Variants in EYS observed in about 807,000 individuals in gnomAD.
The protein encoded by EYS is protein eyes shut homolog.
In EYS, 250 loss-of-function variants were observed where a neutral mutation model predicts 282.1. The ratio of observed to expected loss-of-function variants is 0.89; its 90% confidence interval spans 0.80 to 0.98. EYS has a LOEUF of 0.98. Ranked by LOEUF, EYS falls within the 50% of genes least tolerant of loss-of-function variation. The pLI, the probability that EYS is intolerant of heterozygous loss-of-function variation, is 0.00. For synonymous variants in EYS, 1,355 were observed against 1,282.9 expected (o/e 1.06, Z -1.20); for missense variants, 4,016 against 3,709.0 (o/e 1.08, Z -2.15).
Position 64,406,857 on chromosome 6 carries a change from G to GTATAAATT in EYS, c.5928-18018_5928-18017insAATTTATA, listed in dbSNP as rs1400760649. ...AGGAATGCTTTTACACTGTTGGTAG[G>GTATAAATT]AGTATAAATTAGTTCAACCATTGTG... On this transcript the variant is annotated intron_variant, in intron 28 of 42. Transcript: ENST00000503581. Among the ~76,000 whole-genome samples the GTATAAATT allele has an allele frequency of 2.0e-5, 3 of 152,194 alleles. No homozygotes were observed. The East Asian group carries it at 5.8e-4, about 29-fold the overall frequency.
intron 30 of EYS, among the ~76,000 whole-genome samples, chr6:64,280,235 C>A (rs1037079218): frequency 6.6e-6 from 1 of 151,806 alleles, no homozygotes; most frequent in African/African-American, 2.4e-5. Context: ...TCTAGTGTAA[C>A]CCTGGCATTT....
At chr6:64,150,633 C>T (rs1256203579) in intron 31 of EYS, among the ~76,000 whole-genome samples, 2 of 152,076 alleles carry the variant, frequency 1.3e-5, no homozygotes, top group Admixed American at 1.3e-4. Flanking sequence ...ACAAGAGCCA[C>T]AGACACACAA....
At chr6:64,822,386 T>C (rs1197439624) in intron 20 of EYS, among the ~76,000 whole-genome samples, 5 of 151,958 alleles carry the variant, frequency 3.3e-5, no homozygotes, top group African/African-American at 1.2e-4. Context: ...AGCAGTTACC[T>C]TTAAGTATAT....
intron 22 of EYS, among the ~76,000 whole-genome samples, chr6:64,711,400 C>G (rs1463313665): frequency 1.3e-5 from 2 of 152,018 alleles, no homozygotes; most frequent in East Asian, 3.9e-4. Context: ...AATTTTGTTA[C>G]TAACTTTCTT....
intron 18 of EYS, among the ~76,000 whole-genome samples, chr6:64,895,927 A>C (rs1767446127): frequency 3.9e-5 from 6 of 152,110 alleles, no homozygotes; most frequent in Admixed American, 3.9e-4. Context: ...AAAGTTAAAT[A>C]AGATGAAACT....
At chr6:64,814,162 G>A (rs1403340995) in intron 21 of EYS, among the ~76,000 whole-genome samples, 5 of 152,038 alleles carry the variant, frequency 3.3e-5, no homozygotes. Context: ...CCAAATGTAT[G>A]TCCAGCATTT....
chr6:65,080,337 C>G (rs1323104892), intron 12 of EYS, among the ~76,000 whole-genome samples: 1 of 152,074 alleles, frequency 6.6e-6, no homozygotes, highest in Non-Finnish European at 1.5e-5. Context: ...TAATTGTTTT[C>G]CTGGCCATGT....
intron 35 of EYS, among the ~76,000 whole-genome samples, chr6:63,933,931 C>T (rs1764973211): frequency 6.6e-6 from 1 of 152,134 alleles, no homozygotes; most frequent in African/African-American, 2.4e-5. Flanking sequence ...AGAGCTTCTG[C>T]ACACCAAAAG....
At chr6:63,852,708 A>G (rs1347758186) in intron 36 of EYS, among the ~76,000 whole-genome samples, 1 of 152,222 alleles carries the variant, frequency 6.6e-6, no homozygotes, top group Admixed American at 6.5e-5. Flanking sequence ...AGTATCCCTG[A>G]TGAACATCAA....
chr6:63,970,028 C>T (rs531499586), intron 35 of EYS, among the ~76,000 whole-genome samples: 15 of 152,140 alleles, frequency 9.9e-5, no homozygotes, highest in Non-Finnish European at 1.9e-4. Context: ...CCCAGACCCC[C>T]GCTACGAGTG....
intron 22 of EYS, among the ~76,000 whole-genome samples, chr6:64,665,602 A>T (rs998951302): frequency 1.3e-5 from 2 of 152,228 alleles, no homozygotes; most frequent in Non-Finnish European, 2.9e-5. Context: ...TCTGAAAATT[A>T]TCTGTATATA....
intron 26 of EYS, among the ~76,000 whole-genome samples, chr6:64,467,534 A>G (rs992423440): frequency 7.2e-5 from 11 of 152,114 alleles, no homozygotes; most frequent in Non-Finnish European, 1.6e-4. Context: ...GGGCCTGGAG[A>G]TTGATCAGTT....
chr6:63,998,306 C>A (rs1290413564), intron 34 of EYS, among the ~76,000 whole-genome samples: 2 of 152,042 alleles, frequency 1.3e-5, no homozygotes, highest in South Asian at 4.2e-4. Context: ...ATACAATGTG[C>A]TTATACAAAT....
At chr6:64,994,848 A>G (rs943224788) in intron 14 of EYS, among the ~76,000 whole-genome samples, 7 of 152,144 alleles carry the variant, frequency 4.6e-5, no homozygotes, top group African/African-American at 1.7e-4. Context: ...CAAAAAGGCA[A>G]TATTTAACAA....
intron 18 of EYS, among the ~76,000 whole-genome samples, chr6:64,899,609 A>G (rs1400858611): frequency 6.6e-6 from 1 of 152,174 alleles, no homozygotes; most frequent in East Asian, 1.9e-4. Context: ...GAACCAAATC[A>G]TGAGTAAACT....
At position 65,344,145 on chromosome 6, in the gene EYS, C is replaced by T. The variant is rs927104465; in HGVS notation, c.1492G>A (p.Asp498Asn). The stretch of plus-strand genomic sequence containing the variant: ...TTTGCAGCCAGAAAGAAATAGGCAT[C>T]AATAACCCCTTGGCACTTTTCGCCT... The part of the protein sequence containing the change: ...SEGEKCQGVI[D>N]AYFFLAANCT... The change falls in exon 10 of 43, where the codon GAT (aspartate) becomes AAT (asparagine). Residue 498 changes from aspartate (D) to asparagine (N), a missense_variant. Physicochemically the swap from Asp to Asn is conservative, Grantham distance 23. Transcript: ENST00000503581. The T allele has an allele frequency of 2.2e-5, 35 of 1,609,878 alleles. No individual in the cohort carries two copies. Among genetic ancestry groups the T allele is most frequent in the Non-Finnish European group, 2.9e-5 (34 of 1,177,456 alleles).
At chr6:65,021,892 AG>A (rs1772262846) in intron 13 of EYS, among the ~76,000 whole-genome samples, 1 of 152,144 alleles carries the variant, frequency 6.6e-6, no homozygotes, top group East Asian at 1.9e-4. Context: ...AAGAGGGGAA[AG>A]CCCTTTATAA....
Position 65,384,445 on chromosome 6 carries a change from G to T in EYS, c.1240C>A (p.Leu414Met). The T allele has an allele frequency of 6.2e-7, 1 of 1,609,418 alleles. No homozygotes were observed. The highest frequency in any genetic ancestry group is 2.2e-5 in the East Asian group (1 of 44,634). The change falls in exon 8 of 43, where the codon CTG (leucine) becomes ATG (methionine). Residue 414 changes from leucine to methionine, a missense_variant. By Grantham distance (15) the Leu-to-Met change is conservative. Coordinates refer to ENST00000503581, the MANE Select transcript of EYS (RefSeq NM_001142800.2). ...TCATTCAGACAGTTGATGCTGAGCA[G>T]TTTACAGTGGTCAATTGCTTTCTCA... is the stretch of plus-strand genomic sequence containing the variant. ...NCEKAIDHCK[L>M]LSINCLNEEW...
At chr6:64,622,354 C>G (rs757614390) in intron 23 of EYS, among the ~76,000 whole-genome samples, 24 of 151,744 alleles carry the variant, frequency 1.6e-4, no homozygotes, top group Admixed American at 1.1e-3. Context: ...GAACACTCCC[C>G]AAGGACTGAT....
Sources: allele counts gnomAD v4.1 joint callset (sites outside exome capture counted in the v4.1 genomes callset), GRCh38; gene constraint gnomAD v4.1.1; transcripts MANE v1.5; gene names NCBI Gene and HGNC (gene_info 2026-07-23, HGNC 2026-07-21).